SLC35F1: variants seen among roughly 807,000 people sequenced by gnomAD.
The protein encoded by SLC35F1 is solute carrier family 35 member F1.
A neutral mutation model predicts 48.7 loss-of-function variants in SLC35F1; 14 were observed. The observed-to-expected ratio is 0.29, with a 90% CI of 0.19 to 0.45. The LOEUF (loss-of-function observed/expected upper bound fraction) is 0.45, where lower values mean the gene tolerates loss of function less well. SLC35F1 is among the 20% of genes least tolerant of loss of function. The probability of loss-of-function intolerance (pLI) is 1.00; values close to 1 mark genes in which losing one functional copy is unlikely to be tolerated. For synonymous variants in SLC35F1, 190 were observed against 202.2 expected, an observed-to-expected ratio of 0.94 and a Z score of 0.51; for missense variants, 404 against 500.0, an observed-to-expected ratio of 0.81 and a Z score of 1.83.
At position 118,275,548 on chromosome 6, in the gene SLC35F1, A is replaced by G; in HGVS notation, c.727A>G (p.Thr243Ala). 6.2e-7 allele frequency: 1 copy of G among 1,613,830 alleles called. No individual in the cohort carries two copies. Among genetic ancestry groups the G allele is most frequent in the Non-Finnish European group, 8.5e-7 (1 of 1,179,918 alleles). ...CGTCTGGGAAGAATACATCATCCGA[A>G]CTCTGAGCCGAGTGGAATTCCTGGG... ...SNVWEEYIIR[T>A]LSRVEFLGMI... The change falls in exon 5 of 8, where the codon ACT becomes GCT. Residue 243 changes from threonine (T) to alanine (A), a missense_variant. Transcript: ENST00000360388.
At chr6:118,049,742 T>C (rs905825838) in intron 1 of SLC35F1, among the ~76,000 whole-genome samples, 10 of 151,950 alleles carry the variant, frequency 6.6e-5, no homozygotes, top group African/African-American at 1.9e-4. Flanking sequence ...TGTGGAGAAA[T>C]AGGAACACTT....
rs72955839 is a variant in SLC35F1 at position 117,912,262 on chromosome 6, C to A, written c.173+4363C>A. On this transcript the variant is annotated intron_variant, in intron 1 of 7. Coordinates refer to ENST00000360388, the MANE Select transcript of SLC35F1 (RefSeq NM_001029858.4). Reference sequence around the variant, plus strand: ...TATATTTAGATTTATTTTCAAATTTCTGAAACCTTTTTGAATATAAACCAA... The same window carrying A: ...TATATTTAGATTTATTTTCAAATTTATGAAACCTTTTTGAATATAAACCAA... Among the ~76,000 whole-genome samples, 1,314 of 152,110 alleles carry A rather than the reference C, an allele frequency of 8.6e-3. 10 individuals carry two copies. Among genetic ancestry groups the A allele is most frequent in the Non-Finnish European group, 0.014 (953 of 67,982 alleles).
At chr6:118,288,047 A>C (rs1192167635) in intron 7 of SLC35F1, among the ~76,000 whole-genome samples, 1 of 150,826 alleles carries the variant, frequency 6.6e-6, no homozygotes, top group African/African-American at 2.4e-5. Flanking sequence ...ATACACATAC[A>C]TTTTGTTACT....
chr6:118,249,877 T>C (rs981046297), intron 3 of SLC35F1, among the ~76,000 whole-genome samples: 1 of 152,102 alleles, frequency 6.6e-6, no homozygotes, highest in Non-Finnish European at 1.5e-5. Context: ...GTGAGTAGTT[T>C]AGGAGCTGTG....
intron 1 of SLC35F1, among the ~76,000 whole-genome samples, chr6:118,002,228 T>A (rs1355200382): frequency 6.6e-6 from 1 of 151,852 alleles, no homozygotes; most frequent in Non-Finnish European, 1.5e-5. Context: ...TAGACTGGAT[T>A]AAGAAAATGT....
At chr6:118,124,954 A>C (rs185249077) in intron 1 of SLC35F1, among the ~76,000 whole-genome samples, 1 of 152,324 alleles carries the variant, frequency 6.6e-6, no homozygotes, top group East Asian at 1.9e-4. Context: ...GTAAATTATA[A>C]TGATGCAAAA....
At chr6:117,985,670 G>T (rs1005766053) in intron 1 of SLC35F1, among the ~76,000 whole-genome samples, 10 of 152,176 alleles carry the variant, frequency 6.6e-5, no homozygotes, top group Admixed American at 6.5e-4. Context: ...TATCTTCAGA[G>T]AAACTGTGAA....
intron 1 of SLC35F1, among the ~76,000 whole-genome samples, chr6:117,941,828 C>T (rs1425366071): frequency 2.0e-5 from 3 of 152,180 alleles, no homozygotes; most frequent in Non-Finnish European, 2.9e-5. Context: ...CCCCAATCCC[C>T]GATGTGGGAT....
intron 2 of SLC35F1, among the ~76,000 whole-genome samples, chr6:118,203,968 T>A (rs1774902055): frequency 6.6e-6 from 1 of 151,852 alleles, no homozygotes; most frequent in South Asian, 2.1e-4. Flanking sequence ...GGAAGACAAG[T>A]TAGCAAGAAA....
intron 1 of SLC35F1, among the ~76,000 whole-genome samples, chr6:118,068,512 A>G (rs1292165528): frequency 6.6e-6 from 1 of 152,126 alleles, no homozygotes; most frequent in Non-Finnish European, 1.5e-5. Flanking sequence ...ATGGTTTTTC[A>G]TTTTAATCCT....
chr6:118,251,791 G>C (rs559320595), intron 3 of SLC35F1, among the ~76,000 whole-genome samples: 1 of 152,178 alleles, frequency 6.6e-6, no homozygotes, highest in African/African-American at 2.4e-5. Context: ...TCAGGGCTCA[G>C]CAAATTTTTT....
intron 3 of SLC35F1, among the ~76,000 whole-genome samples, chr6:118,262,749 G>A (rs1229448526): frequency 1.3e-5 from 2 of 152,166 alleles, no homozygotes. Context: ...TTTACAAACT[G>A]TAAGTGCAAA....
intron 1 of SLC35F1, among the ~76,000 whole-genome samples, chr6:118,002,702 CTG>C (rs1183586264): frequency 6.6e-6 from 1 of 151,602 alleles, no homozygotes; most frequent in African/African-American, 2.4e-5. Context: ...TCTCAGGTGA[CTG>C]TTTGCTATCA....
chr6:117,918,329 G>T (rs1395213847), intron 1 of SLC35F1, among the ~76,000 whole-genome samples: 1 of 152,140 alleles, frequency 6.6e-6, no homozygotes, highest in Non-Finnish European at 1.5e-5. Flanking sequence ...CCTTGAGAAG[G>T]CTCAGATGGT....
At chr6:118,293,213 AT>A (rs1776146130) in intron 7 of SLC35F1, among the ~76,000 whole-genome samples, 1 of 152,220 alleles carries the variant, frequency 6.6e-6, no homozygotes, top group African/African-American at 2.4e-5. Flanking sequence ...GGCTTAAAAA[AT>A]AACCCAAATT....
chr6:117,968,672 G>A lies in SLC35F1; in HGVS notation c.173+60773G>A, dbSNP rs1028533349. On this transcript the variant is annotated intron_variant, in intron 1 of 7. Transcript: ENST00000360388. Reference sequence around the variant, plus strand: ...ATATCTAATACCCAATCTTTGGTATGTTTAAAGACTTTTGGAAAATATGGC... The same window carrying A: ...ATATCTAATACCCAATCTTTGGTATATTTAAAGACTTTTGGAAAATATGGC... 3.9e-5 allele frequency among the ~76,000 whole-genome samples: 6 copies of A among 152,132 alleles called. No individual in the cohort carries two copies. The East Asian group carries it at 5.8e-4, about 15-fold the overall frequency.
At chr6:118,235,166 G>A (rs1775346021) in intron 2 of SLC35F1, among the ~76,000 whole-genome samples, 1 of 152,112 alleles carries the variant, frequency 6.6e-6, no homozygotes, top group African/African-American at 2.4e-5. Flanking sequence ...TTGGAATGTT[G>A]TGTTTATGCA....
At chr6:118,170,314 A>G (rs1280704596) in intron 2 of SLC35F1, among the ~76,000 whole-genome samples, 1 of 152,250 alleles carries the variant, frequency 6.6e-6, no homozygotes, top group African/African-American at 2.4e-5. Context: ...TGCCCACTTT[A>G]TAGAATAGAT....
At chr6:118,212,988 T>C (rs1283181857) in intron 2 of SLC35F1, among the ~76,000 whole-genome samples, 1 of 152,192 alleles carries the variant, frequency 6.6e-6, no homozygotes, top group Non-Finnish European at 1.5e-5. Context: ...ACCATAAGTA[T>C]TGAAGAAAGA....
Sources: allele counts gnomAD v4.1 joint callset (sites outside exome capture counted in the v4.1 genomes callset), GRCh38; gene constraint gnomAD v4.1.1; transcripts MANE v1.5; gene names NCBI Gene and HGNC (gene_info 2026-07-23, HGNC 2026-07-21).